Variants in XPO1 observed in about 807,000 individuals in gnomAD.
XPO1 encodes exportin 1.
In XPO1, 5 loss-of-function variants were observed where a neutral mutation model predicts 133.3. The ratio of observed to expected loss-of-function variants is 0.04; its 90% CI spans 0.02 to 0.08. The LOEUF (loss-of-function observed/expected upper bound fraction) is 0.08. XPO1 is among the 10% of genes least tolerant of loss of function. The pLI, the probability that XPO1 is intolerant of heterozygous loss-of-function variation, is 1.00. For missense variants in XPO1, 506 were observed against 1,267.5 expected, an observed-to-expected ratio of 0.40 and a Z score of 9.12; for synonymous variants, 419 against 408.2, an observed-to-expected ratio of 1.03 and a Z score of -0.32.
In XPO1 at chr2:61,482,033, C is replaced by CTTTTTTTTTTTTTTTTTTTTTTTTTTT. The variant is rs1491506588; in HGVS notation, c.2972+346_2972+347insAAAAAAAAAAAAAAAAAAAAAAAAAAA. On this transcript the variant is annotated intron_variant, in intron 23 of 24. Transcript: ENST00000401558. Reference sequence around the variant, plus strand: ...TACAGTCATGAGCCACCGTGCGTGGCCTTTTTTTTTTTTTTTTTTTTTTTG... The same window carrying CTTTTTTTTTTTTTTTTTTTTTTTTTTT: ...TACAGTCATGAGCCACCGTGCGTGGCTTTTTTTTTTTTTTTTTTTTTTTTTTTCTTTTTTTTTTTTTTTTTTTTTTTG... Among the ~76,000 whole-genome samples, 76 of 86,828 alleles carry CTTTTTTTTTTTTTTTTTTTTTTTTTTT rather than the reference C, an allele frequency of 8.8e-4. 20 individuals carry two copies. The highest frequency in any genetic ancestry group is 1.1e-3 in the Non-Finnish European group (43 of 40,034). 57.0% of individuals were successfully genotyped at this position (86,828 alleles called of 152,430 possible).
At chr2:61,500,773 T>C (rs1441865033) in intron 6 of XPO1, among the ~76,000 whole-genome samples, 3 of 152,000 alleles carry the variant, frequency 2.0e-5, no homozygotes, top group Non-Finnish European at 4.4e-5. Flanking sequence ...CACTCCAGCA[T>C]GGGCGACAGA....
chr2:61,526,310 TATAAA>T (rs1698902665), intron 3 of XPO1, 105 bp downstream of exon 3: 1 of 1,459,528 alleles, frequency 6.9e-7, no homozygotes, highest in African/African-American at 1.5e-5. Flanking sequence ...AAATTAACAA[TATAAA>T]ATAATTTGAG....
chr2:61,486,397 T>G (rs1016478051), intron 19 of XPO1, among the ~76,000 whole-genome samples: 6 of 152,108 alleles, frequency 3.9e-5, no homozygotes, highest in African/African-American at 1.4e-4. Flanking sequence ...CCAACTTAGG[T>G]GGCAGAATCA....
Position 61,481,179 on chromosome 2 carries a change from A to G in XPO1, c.3069+6T>C. The G allele has an allele frequency of 1.9e-6, 3 of 1,582,278 alleles. No homozygotes were observed. The highest frequency in any genetic ancestry group is 1.7e-6 in the Non-Finnish European group (2 of 1,158,010). ...AATATTTCTGCAAGAGCAAATAAAT[A>G]CATACCTTTATTTGAACTAGGAAAT... On this transcript the variant is annotated splice_donor_region_variant and intron_variant, in intron 24 of 24. Coordinates refer to ENST00000401558, the MANE Select transcript of XPO1 (RefSeq NM_003400.4).
At position 61,498,811 on chromosome 2, in the gene XPO1, G is replaced by A. The variant is rs767056328; in HGVS notation, c.640-19C>T. ...AATTTTCCTATAACAAAACACACTT[G>A]TAAATAATTGCTTTCCTATTATTGT... On this transcript the variant is annotated intron_variant, in intron 8 of 24. Coordinates refer to ENST00000401558, the MANE Select transcript of XPO1 (RefSeq NM_003400.4). 6.2e-6 allele frequency: 10 copies of A among 1,611,318 alleles called. No homozygotes were observed. The South Asian group carries it at 8.9e-5, about 14-fold the overall frequency.
rs746104158 is a variant in XPO1, at chr2:61,484,034, G to A, written c.2580C>T (p.Phe860=). 1.2e-6 allele frequency: 2 copies of A among 1,613,826 alleles called. No individual in the cohort carries two copies. The highest frequency in any genetic ancestry group is 1.7e-6 in the Non-Finnish European group (2 of 1,179,832). The change falls in exon 21 of 25, where the codon TTC becomes TTT. Residue 860 remains phenylalanine (F), a synonymous_variant. Transcript: ENST00000401558. ...LLLQAVNSHC[F]PAFLAIPPTQ... Reference sequence around the variant, plus strand: ...TAGGTGGAATAGCAAGGAATGCTGGGAAACAATGAGAATTGACAGCCTGAA... The same window carrying A: ...TAGGTGGAATAGCAAGGAATGCTGGAAAACAATGAGAATTGACAGCCTGAA...
intron 2 of XPO1, among the ~76,000 whole-genome samples, chr2:61,531,619 G>A (rs112053073): frequency 2.0e-5 from 3 of 152,226 alleles, no homozygotes; most frequent in Middle Eastern, 3.4e-3. Flanking sequence ...GAATCTATGC[G>A]GAAAAAATTA....
chr2:61,504,323 C>T (rs900193456), intron 4 of XPO1, among the ~76,000 whole-genome samples: 2 of 152,146 alleles, frequency 1.3e-5, no homozygotes, highest in Admixed American at 6.6e-5. Context: ...TCCAAAATCA[C>T]AGGGTTCAAG....
intron 4 of XPO1, among the ~76,000 whole-genome samples, chr2:61,505,743 G>A (rs1697775267): frequency 6.6e-6 from 1 of 151,940 alleles, no homozygotes. Flanking sequence ...ATTTTCACTA[G>A]AGATGGGGTT....
chr2:61,507,770 C>T (rs759020297), intron 4 of XPO1, among the ~76,000 whole-genome samples: 3 of 151,852 alleles, frequency 2.0e-5, no homozygotes, highest in East Asian at 3.9e-4. Context: ...CCCAGCTACT[C>T]GGGAGGCTGA....
At chr2:61,495,715 A>G in intron 10 of XPO1, 102 bp from the exon 11 acceptor site, 2 of 1,220,838 alleles carry the variant, frequency 1.6e-6, no homozygotes, top group Non-Finnish European at 2.2e-6. Flanking sequence ...CACTCTGTCC[A>G]GGCTGGAGTG....
At chr2:61,535,772 A>G (rs992152384) in intron 1 of XPO1, among the ~76,000 whole-genome samples, 9 of 152,232 alleles carry the variant, frequency 5.9e-5, no homozygotes, top group Non-Finnish European at 1.0e-4. Context: ...ACGTTTTTAA[A>G]CAGCAGAATA....
intron 4 of XPO1, among the ~76,000 whole-genome samples, chr2:61,514,801 G>A (rs946492858): frequency 2.6e-5 from 4 of 152,122 alleles, no homozygotes; most frequent in Non-Finnish European, 4.4e-5. Flanking sequence ...TGGGCTGGGC[G>A]CAGTGGCTTA....
intron 11 of XPO1, among the ~76,000 whole-genome samples, chr2:61,495,059 G>C (rs1697180425): frequency 6.6e-6 from 1 of 151,860 alleles, no homozygotes; most frequent in Admixed American, 6.6e-5. Flanking sequence ...GGCCAGGCTG[G>C]TCTCGAACTC....
At chr2:61,500,963 G>A (rs1345647541) in intron 6 of XPO1, among the ~76,000 whole-genome samples, 4 of 152,044 alleles carry the variant, frequency 2.6e-5, no homozygotes, top group African/African-American at 4.8e-5. Context: ...CTGCAATCGG[G>A]GCCTGAATAA....
chr2:61,508,856 T>C (rs534687548), intron 4 of XPO1, among the ~76,000 whole-genome samples: 2 of 152,310 alleles, frequency 1.3e-5, no homozygotes, highest in African/African-American at 2.4e-5. Flanking sequence ...ATCTGACTTA[T>C]TAAGAGAAAG....
intron 4 of XPO1, among the ~76,000 whole-genome samples, chr2:61,504,093 C>T (rs187847941): frequency 1.8e-4 from 27 of 152,162 alleles, no homozygotes; most frequent in South Asian, 1.0e-3. Flanking sequence ...ACATTAATTG[C>T]AACATTAAGC....
At position 61,478,411 on chromosome 2, in the gene XPO1, A is replaced by G. The variant is rs1274672406; in HGVS notation, c.*409T>C. 1 of 261,338 alleles carries G rather than the reference A, an allele frequency of 3.8e-6. No homozygotes were observed. The highest frequency in any genetic ancestry group is 7.3e-6 in the Non-Finnish European group (1 of 136,800). The allele number at this position is 261,338 out of a possible 1,614,324, so 16.2% of individuals were successfully genotyped here. ...AACAACGCAATTTGTTTTACTCATT[A>G]TCTTTTCTTCTAGGCTGAAATAGAC... On this transcript the variant is annotated 3_prime_UTR_variant, in exon 25 of 25. Coordinates refer to ENST00000401558, the MANE Select transcript of XPO1 (RefSeq NM_003400.4).
intron 4 of XPO1, among the ~76,000 whole-genome samples, chr2:61,505,191 CATT>C (rs1697737549): frequency 6.6e-6 from 1 of 151,792 alleles, no homozygotes; most frequent in Admixed American, 6.6e-5. Flanking sequence ...TTCCTGGTCT[CATT>C]GTTGCTGGGG....
Sources: gnomAD v4.1 joint callset for allele counts (sites outside exome capture counted in the v4.1 genomes callset) on GRCh38, gnomAD v4.1.1 for gene constraint, MANE v1.5 for transcripts, NCBI Gene and HGNC (gene_info 2026-07-23, HGNC 2026-07-21) for gene names.